SPRY3: variants seen among roughly 807,000 people sequenced by gnomAD.
SPRY3 encodes the protein sprouty RTK signaling antagonist 3, also known as protein sprouty homolog 3.
SPRY3 carries 15 observed loss-of-function variants against 20.2 expected under a neutral mutation model. That is an observed-to-expected ratio of 0.74 (90% CI 0.50 to 1.14). The LOEUF (loss-of-function observed/expected upper bound fraction) is 1.14. Ranked by LOEUF, SPRY3 falls within the 50% of genes most tolerant of loss-of-function variation. The probability of loss-of-function intolerance (pLI) is 0.00; values close to 1 mark genes in which losing one functional copy is unlikely to be tolerated. For missense variants in SPRY3, 364 were observed against 363.9 expected (o/e 1.00, Z 0.00); for synonymous variants, 143 against 136.5 (o/e 1.05, Z -0.33).
In SPRY3 at chrX:155,773,903, A is replaced by G. The variant is rs375018807; in HGVS notation, c.32A>G (p.Gln11Arg). ...GCTGCGGTGACAGATGATTTTCAAC[A>G]AATTCTGCCTATTGAACAGCTGCGC... is the stretch of plus-strand genomic sequence containing the variant. Residue 11 changes from glutamine (Q) to arginine (R), a missense_variant, in exon 4 of 4, where the codon CAA becomes CGA. By Grantham distance (43) the Gln-to-Arg change is conservative. Coordinates refer to ENST00000675360, the Ensembl canonical transcript of SPRY3. 4.3e-6 allele frequency: 7 copies of G among 1,613,870 alleles called. No individual in the cohort carries two copies. The East Asian group carries it at 1.1e-4, about 26-fold the overall frequency.
intron 1 of SPRY3, among the ~76,000 whole-genome samples, chrX:155,645,997 T>C (rs1041635368): frequency 8.9e-5 from 10 of 112,326 alleles, no homozygotes; most frequent in Non-Finnish European, 1.7e-4. Context: ...TCCAATTTTA[T>C]TTTTTCTGTA....
At chrX:155,670,290 G>A (rs1461058738) in intron 2 of SPRY3, among the ~76,000 whole-genome samples, 3 of 111,885 alleles carry the variant, frequency 2.7e-5, no homozygotes, top group Admixed American at 1.9e-4. Flanking sequence ...GCTCTGGAAT[G>A]TGGCTCTTTC....
chrX:155,631,742 A>G (rs1038328269), intron 1 of SPRY3, among the ~76,000 whole-genome samples: 4 of 111,095 alleles, frequency 3.6e-5, no homozygotes, highest in Non-Finnish European at 7.5e-5. Flanking sequence ...TATTTTATTA[A>G]TTGCATTTTT....
intron 3 of SPRY3, among the ~76,000 whole-genome samples, chrX:155,773,139 T>C (rs2091391968): frequency 1.3e-5 from 2 of 151,732 alleles, no homozygotes; most frequent in South Asian, 2.1e-4. Context: ...CCTTTTTTTT[T>C]CCTACTACAC....
intron 1 of SPRY3, among the ~76,000 whole-genome samples, chrX:155,634,058 C>T (rs1557350757): frequency 9.2e-6 from 1 of 108,337 alleles, no homozygotes; most frequent in Non-Finnish European, 1.9e-5. Flanking sequence ...TCCAGCCTGG[C>T]GACAGAGCGA....
intron 2 of SPRY3, among the ~76,000 whole-genome samples, chrX:155,722,919 C>T (rs185406991): frequency 9.7e-4 from 147 of 152,090 alleles, no homozygotes; most frequent in African/African-American, 3.4e-3. Context: ...TCTCCTAATG[C>T]TATCCTTCCC....
At chrX:155,625,198 A>T (rs1009457710) in intron 1 of SPRY3, among the ~76,000 whole-genome samples, 3 of 111,626 alleles carry the variant, frequency 2.7e-5, no homozygotes, top group Non-Finnish European at 5.7e-5. Context: ...TTGTAGAAAG[A>T]TTCAATCAAG....
chrX:155,781,097 AAGAG>A (rs1415809445), downstream of SPRY3: 2 of 165,186 alleles, frequency 1.2e-5, no homozygotes, highest in Admixed American at 6.6e-5. Flanking sequence ...AGAAGAAAGA[AAGAG>A]AGAGAAAGAT....
chrX:155,692,031 C>T (rs1489897539), intron 2 of SPRY3, among the ~76,000 whole-genome samples: 1 of 97,451 alleles, frequency 1.0e-5, no homozygotes, highest in African/African-American at 4.2e-5. Context: ...GTGAAATAAG[C>T]CAGGCTCAGA....
intron 2 of SPRY3, among the ~76,000 whole-genome samples, chrX:155,722,437 C>A (rs2091065762): frequency 6.6e-6 from 1 of 152,118 alleles, no homozygotes; most frequent in Non-Finnish European, 1.5e-5. Context: ...AGGAGAATCA[C>A]TTGAACCCAG....
chrX:155,742,301 A>C (rs2124574226), intron 2 of SPRY3, among the ~76,000 whole-genome samples: 1 of 152,170 alleles, frequency 6.6e-6, no homozygotes, highest in East Asian at 1.9e-4. Context: ...AACTATTCTA[A>C]ATATATATGC....
chrX:155,776,545 A>G (rs1207173150), exon 4 of SPRY3: 1 of 167,128 alleles, frequency 6.0e-6, no homozygotes, highest in Non-Finnish European at 1.5e-5. Context: ...CTGCTAAAAG[A>G]CACAAGAATT....
intron 1 of SPRY3, among the ~76,000 whole-genome samples, chrX:155,648,660 A>C (rs1218323119): frequency 9.0e-6 from 1 of 111,474 alleles, no homozygotes; most frequent in African/African-American, 3.3e-5. Context: ...TGGTCTATAT[A>C]TCTGTTTTGG....
chrX:155,643,221 A>G (rs1211301166), intron 1 of SPRY3, among the ~76,000 whole-genome samples: 1 of 112,108 alleles, frequency 8.9e-6, no homozygotes, highest in Non-Finnish European at 1.9e-5. Context: ...TTATCATTAT[A>G]TAGTGACCTT....
chrX:155,624,457 C>G (rs1263136950), intron 1 of SPRY3, among the ~76,000 whole-genome samples: 1 of 111,567 alleles, frequency 9.0e-6, no homozygotes, highest in Admixed American at 9.5e-5. Flanking sequence ...TACAGAAATA[C>G]ATTATTTACC....
At chrX:155,629,167 C>T in intron 1 of SPRY3, among the ~76,000 whole-genome samples, 1 of 73,465 alleles carries the variant, frequency 1.4e-5, no homozygotes, top group Non-Finnish European at 2.5e-5. Context: ...TCCCCCCACC[C>T]CATGACAGAC....
At chrX:155,656,201 T>C (rs1221820744) in intron 1 of SPRY3, among the ~76,000 whole-genome samples, 1 of 111,621 alleles carries the variant, frequency 9.0e-6, no homozygotes, top group East Asian at 2.8e-4. Context: ...TTTTCCAACT[T>C]GGTTCCATTC....
At chrX:155,637,481 G>C (rs782605292) in intron 1 of SPRY3, among the ~76,000 whole-genome samples, 4 of 110,875 alleles carry the variant, frequency 3.6e-5, no homozygotes, top group Admixed American at 9.6e-5. Context: ...GCTTAATCCA[G>C]TTTGCAGTTT....
intron 1 of SPRY3, among the ~76,000 whole-genome samples, chrX:155,653,836 C>G (rs1557352711): frequency 8.9e-6 from 1 of 111,779 alleles, no homozygotes; most frequent in Non-Finnish European, 1.9e-5. Context: ...GTTTTTCCTA[C>G]TCTCATGCTT....
Sources: gnomAD v4.1 joint callset for allele counts (sites outside exome capture counted in the v4.1 genomes callset) on GRCh38, gnomAD v4.1.1 for gene constraint, MANE v1.5 for transcripts, NCBI Gene and HGNC (gene_info 2026-07-23, HGNC 2026-07-21) for gene names.